ZNF280C: variants seen among roughly 807,000 people sequenced by gnomAD.
The protein encoded by ZNF280C is zinc finger protein 280C, also known as suppressor of hairy wing homolog 3.
ZNF280C carries 14 observed loss-of-function variants against 53.6 expected under a neutral mutation model. The observed-to-expected ratio is 0.26, with a 90% CI of 0.17 to 0.41. ZNF280C has a LOEUF of 0.41. Among genes scored for constraint, ZNF280C ranks in the 10% least tolerant of loss-of-function variants. ZNF280C has a pLI of 1.00. For missense variants in ZNF280C, 416 were observed against 547.1 expected (o/e 0.76, Z 2.39); for synonymous variants, 203 against 181.1 (o/e 1.12, Z -0.97).
At chrX:130,255,642 T>C (rs1462464266) in intron 2 of ZNF280C, among the ~76,000 whole-genome samples, 1 of 111,992 alleles carries the variant, frequency 8.9e-6, no homozygotes, top group South Asian at 3.7e-4. Flanking sequence ...GCGGGACATA[T>C]GAAATTTCAG....
chrX:130,219,441 C>T lies in ZNF280C; in HGVS notation c.1527+908G>A, dbSNP rs1464781325. ...GGCGGAGGCTGCAGTAAGCTGAGAT[C>T]GCGCCACTGCACTCCAGCCTGAGGG... On this transcript the variant is annotated intron_variant, in intron 13 of 18. Coordinates refer to ENST00000370978, the MANE Select transcript of ZNF280C (RefSeq NM_017666.5). Among the ~76,000 whole-genome samples the T allele has an allele frequency of 1.2e-4, 11 of 90,755 alleles. No homozygotes were observed. The South Asian group carries it at 2.0e-3, about 17-fold the overall frequency. 78.8% of individuals were successfully genotyped at this position (90,755 alleles called of 115,157 possible).
intron 11 of ZNF280C, among the ~76,000 whole-genome samples, chrX:130,227,313 C>T (rs918076239): frequency 6.2e-5 from 7 of 112,224 alleles, no homozygotes; most frequent in African/African-American, 2.3e-4. Flanking sequence ...GAAGCCACTT[C>T]AAATTCTGGA....
chrX:130,229,930 T>C (rs2032260200), intron 9 of ZNF280C, among the ~76,000 whole-genome samples: 1 of 112,332 alleles, frequency 8.9e-6, no homozygotes, highest in Admixed American at 9.4e-5. Context: ...TAAGACTGGG[T>C]CAACTACTTA....
intron 8 of ZNF280C, among the ~76,000 whole-genome samples, chrX:130,233,801 T>C (rs1395353606): frequency 3.6e-5 from 4 of 110,170 alleles, no homozygotes; most frequent in Non-Finnish European, 5.7e-5. Flanking sequence ...CATCAAGCTG[T>C]ATACATTAAA....
Position 130,268,894 on chromosome X carries a change from G to C in ZNF280C, c.-149C>G, listed in dbSNP as rs1486710092. On this transcript the variant is annotated 5_prime_UTR_variant, in exon 1 of 19. Transcript: ENST00000370978. ...CGACTCCCCCGGAGACTTCCAGCGC[G>C]GAACCGGCGTCTCAGCCGGGGGCAG... 1 of 112,698 alleles carries C rather than the reference G, an allele frequency of 8.9e-6. No individual in the cohort carries two copies. The highest frequency in any genetic ancestry group is 3.2e-5 in the African/African-American group (1 of 31,014). The allele number at this position is 112,698 out of a possible 1,213,427, so 9.3% of individuals were successfully genotyped here. A position where few individuals can be genotyped will look rare whatever the true frequency, so the allele number is the denominator to read the frequency against.
intron 2 of ZNF280C, among the ~76,000 whole-genome samples, chrX:130,259,864 C>A (rs1012292823): frequency 9.0e-6 from 1 of 111,017 alleles, no homozygotes; most frequent in Non-Finnish European, 1.9e-5. Flanking sequence ...GTGGCGGGTG[C>A]CTGTAATCCA....
chrX:130,218,918 G>T (rs969453278), intron 13 of ZNF280C, among the ~76,000 whole-genome samples: 1 of 111,594 alleles, frequency 9.0e-6, no homozygotes, highest in Non-Finnish European at 1.9e-5. Flanking sequence ...TTATTAATAA[G>T]GGAAGATGTG....
chrX:130,222,499 C>T (rs905958925), intron 12 of ZNF280C, among the ~76,000 whole-genome samples: 5 of 111,610 alleles, frequency 4.5e-5, no homozygotes, highest in Non-Finnish European at 9.4e-5. Flanking sequence ...GAGCAGCAGG[C>T]ACAATTTAAC....
At chrX:130,227,847 C>T (rs1012904948) in intron 10 of ZNF280C, 65 bp from the exon 11 acceptor site, 11 of 579,967 alleles carry the variant, frequency 1.9e-5, no homozygotes, top group Non-Finnish European at 2.8e-5. Context: ...TCATTTTGTA[C>T]ATCCACAACA....
At chrX:130,260,559 G>A in intron 1 of ZNF280C, 94 bp from the exon 2 acceptor site, 2 of 641,201 alleles carry the variant, frequency 3.1e-6, no homozygotes, top group Non-Finnish European at 4.6e-6. Context: ...AAATCTTTGG[G>A]TCTAATTTTG....
intron 16 of ZNF280C, among the ~76,000 whole-genome samples, chrX:130,207,008 C>G (rs1457644962): frequency 8.9e-6 from 1 of 111,812 alleles, no homozygotes; most frequent in Non-Finnish European, 1.9e-5. Context: ...TTACAGAGGA[C>G]AGAATTAGTT....
chrX:130,256,731 G>A (rs1017942058), intron 2 of ZNF280C, among the ~76,000 whole-genome samples: 3 of 109,454 alleles, frequency 2.7e-5, no homozygotes, highest in African/African-American at 1.0e-4. Flanking sequence ...TGTCTCTACT[G>A]AAAACAAAAA....
At chrX:130,222,864 C>T (rs964831572) in intron 12 of ZNF280C, among the ~76,000 whole-genome samples, 1 of 111,070 alleles carries the variant, frequency 9.0e-6, no homozygotes, top group South Asian at 3.8e-4. Flanking sequence ...CAGGGCTGGT[C>T]TCGAACTCCT....
At chrX:130,224,706 CA>C (rs1212042359) in intron 12 of ZNF280C, among the ~76,000 whole-genome samples, 1 of 111,592 alleles carries the variant, frequency 9.0e-6, no homozygotes, top group Non-Finnish European at 1.9e-5. Flanking sequence ...TGAACTGCAG[CA>C]ACACGTATAA....
chrX:130,237,063 T>G (rs751134884), intron 6 of ZNF280C, among the ~76,000 whole-genome samples: 23 of 112,084 alleles, frequency 2.1e-4, no homozygotes, highest in Non-Finnish European at 3.8e-4. Context: ...TAAATACATT[T>G]GAGTTTGTAA....
chrX:130,227,504 C>T (rs916954578), intron 11 of ZNF280C, among the ~76,000 whole-genome samples, 178 bp downstream of exon 11: 1 of 112,022 alleles, frequency 8.9e-6, no homozygotes, highest in African/African-American at 3.2e-5. Context: ...TACTCCACCC[C>T]TTTACTTACA....
intron 6 of ZNF280C, 84 bp from the exon 7 acceptor site, chrX:130,236,723 C>A: frequency 2.9e-6 from 2 of 679,731 alleles, no homozygotes; most frequent in Non-Finnish European, 4.2e-6. Context: ...ACCAAAATGG[C>A]TTTACATTTA....
chrX:130,234,694 T>C (rs1280605215), intron 8 of ZNF280C, among the ~76,000 whole-genome samples: 1 of 111,539 alleles, frequency 9.0e-6, no homozygotes, highest in Non-Finnish European at 1.9e-5. Flanking sequence ...TTCCTGTCAT[T>C]TACACTGGGC....
chrX:130,206,471 A>G (rs2031976657), intron 16 of ZNF280C, among the ~76,000 whole-genome samples: 1 of 101,671 alleles, frequency 9.8e-6, no homozygotes, highest in African/African-American at 3.7e-5. Flanking sequence ...GGTTCATGCC[A>G]TTCTCCTGCC....
Sources: gnomAD v4.1 joint callset for allele counts (sites outside exome capture counted in the v4.1 genomes callset) on GRCh38, gnomAD v4.1.1 for gene constraint, MANE v1.5 for transcripts, NCBI Gene and HGNC (gene_info 2026-07-23, HGNC 2026-07-21) for gene names.